The following PPP1R12B variants were observed in gnomAD, a reference collection of about 807,000 sequenced individuals.
PPP1R12B encodes the protein myosin phosphatase target subunit 2.
Under a neutral mutation model 126.1 loss-of-function variants are expected in PPP1R12B, and 76 were observed. The ratio of observed to expected loss-of-function variants is 0.60; its 90% CI spans 0.50 to 0.73. PPP1R12B has a LOEUF of 0.73. Ranked by LOEUF, PPP1R12B falls within the 30% of genes least tolerant of loss-of-function variation. PPP1R12B has a pLI of 0.00. For missense variants in PPP1R12B, 1,052 were observed against 1,205.1 expected (o/e 0.87, Z 1.88); for synonymous variants, 356 against 434.7 (o/e 0.82, Z 2.25).
intron 13 of PPP1R12B, among the ~76,000 whole-genome samples, chr1:202,471,159 T>G (rs1354242446): frequency 6.6e-6 from 1 of 152,198 alleles, no homozygotes; most frequent in African/African-American, 2.4e-5. Flanking sequence ...CATACTTATA[T>G]AATTCTTTCA....
At chr1:202,482,219 A>G (rs1348706682) in intron 13 of PPP1R12B, among the ~76,000 whole-genome samples, 10 of 152,146 alleles carry the variant, frequency 6.6e-5, no homozygotes, top group Admixed American at 3.3e-4. Flanking sequence ...TAACTCTTCA[A>G]TATACTAATT....
intron 13 of PPP1R12B, among the ~76,000 whole-genome samples, chr1:202,467,493 T>C (rs1675193802): frequency 6.6e-6 from 1 of 152,048 alleles, no homozygotes; most frequent in Non-Finnish European, 1.5e-5. Flanking sequence ...TTTGTCCTTG[T>C]GATAGTTTGC....
At chr1:202,353,199 CAT>C (rs1299664465) in intron 1 of PPP1R12B, among the ~76,000 whole-genome samples, 1 of 152,178 alleles carries the variant, frequency 6.6e-6, no homozygotes, top group African/African-American at 2.4e-5. Context: ...TGTGCTAACT[CAT>C]ATGGTAAAAT....
At chr1:202,365,607 C>T (rs559335050) in intron 1 of PPP1R12B, among the ~76,000 whole-genome samples, 3 of 152,136 alleles carry the variant, frequency 2.0e-5, no homozygotes, top group Non-Finnish European at 4.4e-5. Flanking sequence ...CTAGGGATCA[C>T]ACGTCATGCT....
chr1:202,463,393 A>G (rs187433012), intron 13 of PPP1R12B, among the ~76,000 whole-genome samples: 4 of 152,314 alleles, frequency 2.6e-5, no homozygotes, highest in South Asian at 4.1e-4. Flanking sequence ...TGGAATTGGC[A>G]CTGTTATTCT....
chr1:202,391,418 T>TA (rs1367247560), intron 1 of PPP1R12B, among the ~76,000 whole-genome samples: 1 of 152,176 alleles, frequency 6.6e-6, no homozygotes, highest in Non-Finnish European at 1.5e-5. Context: ...GGAGCTCTCA[T>TA]ATACTGCTGG....
intron 19 of PPP1R12B, chr1:202,562,562 C>T: frequency 1.4e-6 from 1 of 715,028 alleles, no homozygotes; most frequent in African/African-American, 1.7e-5. Context: ...TCATTCTTGG[C>T]AAATGATGGT....
At chr1:202,351,103 TTGAG>T (rs1316194348) in intron 1 of PPP1R12B, among the ~76,000 whole-genome samples, 1 of 152,176 alleles carries the variant, frequency 6.6e-6, no homozygotes, top group Non-Finnish European at 1.5e-5. Context: ...TTGAGGTCTG[TTGAG>T]AAACTGTATC....
chr1:202,481,650 A>G (rs1677382199), intron 13 of PPP1R12B, among the ~76,000 whole-genome samples: 1 of 152,218 alleles, frequency 6.6e-6, no homozygotes, highest in South Asian at 2.1e-4. Context: ...GTTTTGATGC[A>G]TATCTGTGTT....
At chr1:202,401,027 T>C (rs540442486) in intron 1 of PPP1R12B, among the ~76,000 whole-genome samples, 14 of 152,230 alleles carry the variant, frequency 9.2e-5, no homozygotes, top group Non-Finnish European at 1.0e-4. Context: ...GTGCAACTTA[T>C]GTGAAATTCA....
chr1:202,365,879 A>T (rs149571838), intron 1 of PPP1R12B, among the ~76,000 whole-genome samples: 1 of 152,110 alleles, frequency 6.6e-6, no homozygotes, highest in African/African-American at 2.4e-5. Context: ...AGTCCCAGCT[A>T]CTCAGGAGGC....
At chr1:202,495,997 G>A (rs1025956981) in intron 17 of PPP1R12B, among the ~76,000 whole-genome samples, 4 of 152,210 alleles carry the variant, frequency 2.6e-5, no homozygotes, top group Non-Finnish European at 5.9e-5. Context: ...TCGAGTTTTA[G>A]TAGTCCTTCC....
intron 1 of PPP1R12B, among the ~76,000 whole-genome samples, chr1:202,390,569 G>T (rs1663982600): frequency 6.6e-6 from 1 of 152,106 alleles, no homozygotes; most frequent in Admixed American, 6.5e-5. Context: ...TGCGATCATG[G>T]CCCACTGTAA....
In PPP1R12B at chr1:202,439,398, C is replaced by T. The variant is rs749266856; in HGVS notation, c.1459-1308C>T. On this transcript the variant is annotated intron_variant, in intron 10 of 23. Coordinates refer to ENST00000608999, the MANE Select transcript of PPP1R12B (RefSeq NM_002481.4). Reference sequence around the variant, plus strand: ...GCTGGTGAAGAAGCACGCGGCACAGCGGAGCACGGAGACCGCCCTGTACTG... The same window carrying T: ...GCTGGTGAAGAAGCACGCGGCACAGTGGAGCACGGAGACCGCCCTGTACTG... The T allele has an allele frequency of 2.1e-4, 260 of 1,229,750 alleles. 1 individual carries two copies. The highest frequency in any genetic ancestry group is 5.2e-4 in the Admixed American group (29 of 56,074). The allele number at this position is 1,229,750 out of a possible 1,614,324, so 76.2% of individuals were successfully genotyped here.
chr1:202,562,595 G>A, intron 19 of PPP1R12B, 183 bp from the exon 20 acceptor site: 1 of 779,882 alleles, frequency 1.3e-6, no homozygotes, highest in Non-Finnish European at 2.3e-6. Flanking sequence ...CCAAGCTCGT[G>A]CAGTTTAGCC....
chr1:202,414,984 G>A (rs1424535726), intron 1 of PPP1R12B, among the ~76,000 whole-genome samples: 5 of 151,990 alleles, frequency 3.3e-5, no homozygotes, highest in Admixed American at 6.6e-5. Flanking sequence ...GGTCTGTGTT[G>A]CTCAGGCTGG....
intron 13 of PPP1R12B, chr1:202,473,878 C>T (rs1487401064): frequency 5.7e-6 from 3 of 529,182 alleles, no homozygotes; most frequent in Non-Finnish European, 1.2e-5. Context: ...TTCCCAGCAG[C>T]CACTTACCTT....
intron 18 of PPP1R12B, among the ~76,000 whole-genome samples, chr1:202,519,234 C>T (rs1298494347): frequency 6.6e-6 from 1 of 151,906 alleles, no homozygotes; most frequent in Non-Finnish European, 1.5e-5. Flanking sequence ...CTTGAGTTTT[C>T]CTTGCCACTT....
At chr1:202,362,269 A>G (rs897289784) in intron 1 of PPP1R12B, among the ~76,000 whole-genome samples, 3 of 152,106 alleles carry the variant, frequency 2.0e-5, no homozygotes, top group Non-Finnish European at 2.9e-5. Flanking sequence ...CCATGTTTAA[A>G]TTGTTCCTCC....
Sources: allele counts gnomAD v4.1 joint callset (sites outside exome capture counted in the v4.1 genomes callset), GRCh38; gene constraint gnomAD v4.1.1; transcripts MANE v1.5; gene names NCBI Gene and HGNC (gene_info 2026-07-23, HGNC 2026-07-21).